AGO4: variants seen among roughly 807,000 people sequenced by gnomAD.
The protein encoded by AGO4 is argonaute RISC component 4, also known as protein argonaute-4.
In AGO4, 33 loss-of-function variants were observed where a neutral mutation model predicts 104.7. The observed-to-expected ratio is 0.32, with a 90% confidence interval of 0.24 to 0.42. The LOEUF (loss-of-function observed/expected upper bound fraction) is 0.42, where lower values mean the gene tolerates loss of function less well. Ranked by LOEUF, AGO4 falls within the 10% of genes least tolerant of loss-of-function variation. The probability of loss-of-function intolerance (pLI) is 1.00; values close to 1 mark genes in which losing one functional copy is unlikely to be tolerated. For synonymous variants in AGO4, 331 were observed against 364.7 expected (o/e 0.91, Z 1.05); for missense variants, 711 against 1,083.4 (o/e 0.66, Z 4.83).
At chr1:35,826,926 G>A (rs542147752) in intron 7 of AGO4, 91 bp downstream of exon 7, 7 of 1,327,728 alleles carry the variant, frequency 5.3e-6, no homozygotes, top group Non-Finnish European at 7.3e-6. Context: ...TATTGGCCGG[G>A]CACAGTGGCT....
chr1:35,812,209 GA>G (rs151265078), intron 1 of AGO4, among the ~76,000 whole-genome samples: 13,166 of 145,082 alleles, frequency 0.091, 814 homozygotes, highest in African/African-American at 0.19. Flanking sequence ...AAAGAAAAAA[GA>G]AAAAAAAAAT....
At chr1:35,815,306 T>C (rs1643655921) in intron 1 of AGO4, among the ~76,000 whole-genome samples, 1 of 152,226 alleles carries the variant, frequency 6.6e-6, no homozygotes, top group Non-Finnish European at 1.5e-5. Context: ...TCAGTGCCTA[T>C]TCATAGCAGA....
intron 15 of AGO4, among the ~76,000 whole-genome samples, chr1:35,842,662 C>T (rs527760389): frequency 3.3e-5 from 5 of 152,074 alleles, no homozygotes; most frequent in South Asian, 2.1e-4. Flanking sequence ...ATTAGCTGGG[C>T]GTAATGGTGC....
At chr1:35,850,780 C>CAAAAAAAAAAA (rs796652586) in intron 16 of AGO4, 74 bp from the exon 17 acceptor site, 18 of 542,372 alleles carry the variant, frequency 3.3e-5, no homozygotes, top group African/African-American at 1.0e-4. Flanking sequence ...GACTCCATCT[C>CAAAAAAAAAAA]AAAAAAAAAA....
chr1:35,831,330 G>A, intron 7 of AGO4, 97 bp from the exon 8 acceptor site: 12 of 1,345,330 alleles, frequency 8.9e-6, no homozygotes, highest in East Asian at 2.5e-5. Flanking sequence ...CAGCCTGGGC[G>A]ACAGAGTGAG....
At chr1:35,811,022 G>A (rs1337843649) in intron 1 of AGO4, among the ~76,000 whole-genome samples, 1 of 151,836 alleles carries the variant, frequency 6.6e-6, no homozygotes, top group African/African-American at 2.4e-5. Context: ...GGGTGTGGTG[G>A]CATACCTGTA....
At position 35,825,480 on chromosome 1, in the gene AGO4, C is replaced by A; in HGVS notation, c.474C>A (p.His158Gln). 1.9e-6 allele frequency: 3 copies of A among 1,614,080 alleles called. No homozygotes were observed. Among genetic ancestry groups the A allele is most frequent in the South Asian group, 2.2e-5 (2 of 91,062 alleles). The change falls in exon 4 of 18, where the codon CAC becomes CAA. Residue 158 changes from histidine (H) to glutamine (Q), a missense_variant. Coordinates refer to ENST00000373210, the MANE Select transcript of AGO4 (RefSeq NM_017629.4). The part of the protein sequence containing the change: ...SVQALDVITR[H>Q]LPSMRYTPVG... The stretch of plus-strand genomic sequence containing the variant: ...AAGCACTTGATGTTATCACAAGACA[C>A]CTTCCCTCCATGAGGTTAGTACCTT...
chr1:35,818,495 G>A (rs1414080939), intron 2 of AGO4, among the ~76,000 whole-genome samples: 7 of 151,884 alleles, frequency 4.6e-5, no homozygotes, highest in East Asian at 1.9e-4. Flanking sequence ...ATAGTGGCAC[G>A]TGCCTGTAAT....
rs560994354 is a variant in AGO4, at chr1:35,815,035, G to GC, written c.20-1844dup. On this transcript the variant is annotated intron_variant, in intron 1 of 17. Coordinates refer to ENST00000373210, the MANE Select transcript of AGO4 (RefSeq NM_017629.4). ...TGGGATTACAGGCATCCACCACCGT[G>GC]CCCGGCTAATTTTTGTATTTTTAGT... 3.1e-3 allele frequency among the ~76,000 whole-genome samples: 468 copies of GC among 152,206 alleles called. 2 individuals are homozygous for GC. The highest frequency in any genetic ancestry group is 5.2e-3 in the Non-Finnish European group (352 of 68,008).
At position 35,841,333 on chromosome 1, in the gene AGO4, C is replaced by G; in HGVS notation, c.1893C>G (p.Ser631=). 1.2e-6 allele frequency: 2 copies of G among 1,614,138 alleles called. No individual in the cohort carries two copies. The highest frequency in any genetic ancestry group is 1.7e-6 in the Non-Finnish European group (2 of 1,180,020). ...VRVQTSRQEI[S]QELLYSQEVI... is the part of the protein sequence containing the mutation. ...TGCAGACTTCCCGGCAGGAGATCTC[C>G]CAAGAGCTCCTCTACAGTCAAGAGG... Residue 631 remains serine (S), a synonymous_variant, in exon 14 of 18, where the codon TCC becomes TCG. Transcript: ENST00000373210. This position sits in a 1 kb window ranked among gnomAD's most constrained non-coding sequence, Gnocchi z 4.7.
chr1:35,827,117 T>C (rs926072798), intron 7 of AGO4, among the ~76,000 whole-genome samples: 2 of 151,794 alleles, frequency 1.3e-5, no homozygotes, highest in Non-Finnish European at 2.9e-5. Flanking sequence ...CAGAGAATTG[T>C]TTGAACCTGG....
At chr1:35,823,080 T>C (rs1643922726) in intron 3 of AGO4, 98 bp downstream of exon 3, 1 of 1,410,880 alleles carries the variant, frequency 7.1e-7, no homozygotes, top group African/African-American at 1.4e-5. Context: ...AAAACATAAA[T>C]GTTTGAGGTG....
At chr1:35,814,472 C>T in intron 1 of AGO4, among the ~76,000 whole-genome samples, 1 of 139,062 alleles carries the variant, frequency 7.2e-6, no homozygotes. Flanking sequence ...TACCCCACAA[C>T]AGGCCCCAGT....
chr1:35,850,348 C>T (rs935963270), intron 16 of AGO4, 90 bp downstream of exon 16: 6 of 979,760 alleles, frequency 6.1e-6, no homozygotes, highest in South Asian at 3.9e-5. Flanking sequence ...TATTTAACAC[C>T]GTGCCTAACT....
intron 12 of AGO4, among the ~76,000 whole-genome samples, chr1:35,835,434 C>T (rs942501689): frequency 6.6e-6 from 1 of 151,986 alleles, no homozygotes; most frequent in Admixed American, 6.6e-5. Context: ...AAAAAGGAAG[C>T]AAAACAAAAC....
chr1:35,816,818 A>AAT, intron 1 of AGO4, 64 bp from the exon 2 acceptor site: 1 of 1,414,790 alleles, frequency 7.1e-7, no homozygotes, highest in Non-Finnish European at 9.4e-7. Flanking sequence ...AAAAAAAAAA[A>AAT]AAAGAAAGAA....
At chr1:35,836,803 A>C (rs1209781672) in intron 13 of AGO4, among the ~76,000 whole-genome samples, 1 of 152,214 alleles carries the variant, frequency 6.6e-6, no homozygotes, top group Non-Finnish European at 1.5e-5. Context: ...GTAATTACTG[A>C]GTTACGGAGA....
chr1:35,853,171 A>C (rs2148691960), intron 17 of AGO4, among the ~76,000 whole-genome samples: 1 of 151,556 alleles, frequency 6.6e-6, no homozygotes, highest in East Asian at 2.0e-4. Flanking sequence ...GAATGGTGTA[A>C]ACCCGGGAGG....
At chr1:35,809,855 G>T (rs1023349928) in intron 1 of AGO4, among the ~76,000 whole-genome samples, 1 of 152,182 alleles carries the variant, frequency 6.6e-6, no homozygotes, top group African/African-American at 2.4e-5. Flanking sequence ...TTATTGTAGA[G>T]ACTAGTGCCT....
Sources: gnomAD v4.1 joint callset for allele counts (sites outside exome capture counted in the v4.1 genomes callset) on GRCh38, gnomAD v4.1.1 for gene constraint, Gnocchi (gnomAD v3.1) non-coding constraint, MANE v1.5 for transcripts, NCBI Gene and HGNC (gene_info 2026-07-23, HGNC 2026-07-21) for gene names.